BLNK: variants seen among roughly 807,000 people sequenced by gnomAD.
BLNK encodes B-cell linker protein.
In BLNK, 29 loss-of-function variants were observed where a neutral mutation model predicts 73.5. That is an observed-to-expected ratio of 0.39 (90% CI 0.29 to 0.54). The LOEUF (loss-of-function observed/expected upper bound fraction) is 0.54, where lower values mean the gene tolerates loss of function less well. Among genes scored for constraint, BLNK ranks in the 20% least tolerant of loss-of-function variants. The pLI is 0.61. For synonymous variants in BLNK, 176 were observed against 200.8 expected, an observed-to-expected ratio of 0.88 and a Z score of 1.04; for missense variants, 460 against 562.8, an observed-to-expected ratio of 0.82 and a Z score of 1.85.
Position 96,242,166 on chromosome 10 carries a change from G to A in BLNK, c.163+569C>T, listed in dbSNP as rs78015730. ...TCATGAGTGCAGTTTCCCCCGTACC[G>A]TTCTGGTGGCAGTGAATAAGTCTCA... On this transcript the variant is annotated intron_variant, in intron 3 of 16. Transcript: ENST00000224337. 1.8e-3 allele frequency among the ~76,000 whole-genome samples: 272 copies of A among 152,256 alleles called. 1 individual carries two copies. Among genetic ancestry groups the A allele is most frequent in the African/African-American group, 4.2e-3 (174 of 41,536 alleles).
intron 4 of BLNK, 95 bp downstream of exon 4, chr10:96,230,699 G>A: frequency 7.1e-7 from 1 of 1,413,752 alleles, no homozygotes; most frequent in Non-Finnish European, 9.8e-7. Flanking sequence ...CTTGGGACGT[G>A]CGGCTGACCA....
At chr10:96,209,992 C>G (rs1235815215) in intron 8 of BLNK, 85 bp from the exon 9 acceptor site, 32 of 1,411,714 alleles carry the variant, frequency 2.3e-5, no homozygotes, top group Admixed American at 6.7e-5. Flanking sequence ...CTGGCAGGCT[C>G]AGAAATATTT....
At chr10:96,211,637 C>G (rs1318495500) in intron 8 of BLNK, among the ~76,000 whole-genome samples, 9 of 152,168 alleles carry the variant, frequency 5.9e-5, no homozygotes, top group Admixed American at 5.9e-4. Flanking sequence ...CCCCAGCACC[C>G]TGGGAAGCAA....
At chr10:96,258,516 T>C (rs74153607) in intron 1 of BLNK, among the ~76,000 whole-genome samples, 4,762 of 152,328 alleles carry the variant, frequency 0.031, 244 homozygotes, top group African/African-American at 0.11. Flanking sequence ...GCCCTGAGAT[T>C]AATTTAGTTG....
chr10:96,207,146 C>T, intron 10 of BLNK, 93 bp from the exon 11 acceptor site: 1 of 1,259,012 alleles, frequency 7.9e-7, no homozygotes, highest in Middle Eastern at 2.1e-4. Flanking sequence ...ATTTTGGCAG[C>T]ACTTTTCTTT....
chr10:96,216,688 T>C lies in BLNK; in HGVS notation c.572A>G (p.His191Arg). 4.3e-6 allele frequency: 7 copies of C among 1,614,164 alleles called. No homozygotes were observed. The highest frequency in any genetic ancestry group is 3.3e-5 in the South Asian group (3 of 91,088). The change falls in exon 7 of 17, where the codon CAT becomes CGT. Residue 191 changes from histidine to arginine, a missense_variant. Around this residue, in one of 3 missense-constraint regions of BLNK, gnomAD observed 233 missense variants for 232.1 expected, o/e 1.00. Transcript: ENST00000224337. ...TGGAGGTGAACTGCTTTCTGTGGGA[T>C]GAATATAGTTTTCATCATTATCTTC... ...PVEDNDENYI[H>R]PTESSSPPPE...
chr10:96,215,834 TTTCTG>T (rs1381166950), intron 7 of BLNK: 1 of 162,380 alleles, frequency 6.2e-6, no homozygotes, highest in African/African-American at 2.4e-5. Flanking sequence ...CATGGGTTTT[TTTCTG>T]TTCTTTTTTG....
In BLNK at chr10:96,242,775, G is replaced by A; in HGVS notation, c.123C>T (p.Val41=). ...TTCGAGGAACACTTGGAGGTGCTTT[G>A]ACTTTTAGCCTGGAAATAACAACCA... ...GIMNKIKKLK[V]KAPPSVPRRD... The change falls in exon 3 of 17, where the codon GTC becomes GTT. Residue 41 remains valine (V), a synonymous_variant. Transcript: ENST00000224337. The A allele has an allele frequency of 6.2e-7, 1 of 1,613,984 alleles. No homozygotes were observed. The highest frequency in any genetic ancestry group is 8.5e-7 in the Non-Finnish European group (1 of 1,179,846).
At chr10:96,224,199 C>T (rs782677085) in intron 5 of BLNK, among the ~76,000 whole-genome samples, 2 of 152,138 alleles carry the variant, frequency 1.3e-5, no homozygotes, top group African/African-American at 2.4e-5. Context: ...GAAGAACGTC[C>T]TCATTAAAAA....
intron 2 of BLNK, among the ~76,000 whole-genome samples, chr10:96,244,551 C>T (rs1842977784): frequency 6.6e-6 from 1 of 152,218 alleles, no homozygotes; most frequent in Non-Finnish European, 1.5e-5. Flanking sequence ...AACTCTGTCA[C>T]AGTCTTGTGT....
chr10:96,216,821 A>G lies in BLNK; in HGVS notation c.526-87T>C, dbSNP rs926257908. On this transcript the variant is annotated intron_variant, in intron 6 of 16. Coordinates refer to ENST00000224337, the MANE Select transcript of BLNK (RefSeq NM_013314.4). Reference sequence around the variant, plus strand: ...GGGAGTGATTTTTTTAAAAAGCATTATTGAGACGCAATTCACATATCATAA... The same window carrying G: ...GGGAGTGATTTTTTTAAAAAGCATTGTTGAGACGCAATTCACATATCATAA... 4.2e-5 allele frequency: 46 copies of G among 1,096,352 alleles called. No homozygotes were observed. The African/African-American group carries it at 6.4e-4, about 15-fold the overall frequency. 67.9% of individuals were successfully genotyped at this position (1,096,352 alleles called of 1,614,324 possible). A position where few individuals can be genotyped will look rare whatever the true frequency, so the allele number is the denominator to read the frequency against.
chr10:96,263,928 G>C (rs1317775556), intron 1 of BLNK, among the ~76,000 whole-genome samples: 1 of 152,198 alleles, frequency 6.6e-6, no homozygotes, highest in African/African-American at 2.4e-5. Context: ...GGGACCTAGA[G>C]GACGGCAGCC....
In BLNK at chr10:96,252,411, G is replaced by T. The variant is rs534721662; in HGVS notation, c.48-5362C>A. Among the ~76,000 whole-genome samples the T allele has an allele frequency of 9.2e-4, 140 of 152,238 alleles. 1 individual carries two copies. Among genetic ancestry groups the T allele is most frequent in the African/African-American group, 3.2e-3 (132 of 41,548 alleles). ...GCTACCAGTTGGGAGACCATCCTTT[G>T]TGCATGTCTATGATAGATCATGCCT... On this transcript the variant is annotated intron_variant, in intron 1 of 16. Transcript: ENST00000224337.
chr10:96,270,898 A>G (rs1258273205), intron 1 of BLNK, among the ~76,000 whole-genome samples: 2 of 152,220 alleles, frequency 1.3e-5, no homozygotes, highest in African/African-American at 4.8e-5. Flanking sequence ...ATACACCCAC[A>G]AAATAAATGA....
intron 6 of BLNK, among the ~76,000 whole-genome samples, chr10:96,222,012 C>T (rs1444657709): frequency 6.6e-6 from 1 of 152,190 alleles, no homozygotes; most frequent in Non-Finnish European, 1.5e-5. Flanking sequence ...GCTAGATCTT[C>T]AGTTTTCAGA....
chr10:96,195,460 A>G (rs2083442223), intron 16 of BLNK, among the ~76,000 whole-genome samples: 2 of 152,216 alleles, frequency 1.3e-5, no homozygotes, highest in Non-Finnish European at 2.9e-5. Context: ...TATAGATACA[A>G]TGAGATACTA....
chr10:96,217,374 G>A (rs782082559), intron 6 of BLNK, among the ~76,000 whole-genome samples: 13 of 152,296 alleles, frequency 8.5e-5, no homozygotes, highest in African/African-American at 3.1e-4. Flanking sequence ...TTAACAGTCG[G>A]AGAAACTGCC....
chr10:96,217,819 T>C (rs587625429), intron 6 of BLNK, among the ~76,000 whole-genome samples: 1 of 152,362 alleles, frequency 6.6e-6, no homozygotes, highest in Non-Finnish European at 1.5e-5. Context: ...GTCTGTTTTA[T>C]TTATTCTTTT....
At chr10:96,270,648 A>C (rs911715326) in intron 1 of BLNK, among the ~76,000 whole-genome samples, 6 of 152,156 alleles carry the variant, frequency 3.9e-5, no homozygotes, top group African/African-American at 1.4e-4. Flanking sequence ...GTGAAAAAAA[A>C]ACTGCACTCC....
Sources: gnomAD v4.1 joint callset for allele counts (sites outside exome capture counted in the v4.1 genomes callset) on GRCh38, gnomAD v4.1.1 for gene constraint, gnomAD v4.1.1 regional missense constraint, MANE v1.5 for transcripts, NCBI Gene and HGNC (gene_info 2026-07-23, HGNC 2026-07-21) for gene names.